C3orf49: variants seen among roughly 807,000 people sequenced by gnomAD.
C3orf49 encodes the protein putative uncharacterized protein C3orf49.
Under a neutral mutation model 13.3 loss-of-function variants are expected in C3orf49, and 27 were observed. That is an observed-to-expected ratio of 2.02 (90% confidence interval 1.49 to 2.79). The LOEUF (loss-of-function observed/expected upper bound fraction) is 2.79. Ranked by LOEUF, C3orf49 falls within the 30% of genes most tolerant of loss-of-function variation. The pLI, the probability that C3orf49 is intolerant of heterozygous loss-of-function variation, is 0.00. For missense variants in C3orf49, 242 were observed against 134.2 expected (o/e 1.80, Z -3.97); for synonymous variants, 87 against 47.6 (o/e 1.83, Z -3.40).
At chr3:63,839,164 T>G (rs1701700905) in intron 5 of C3orf49, among the ~76,000 whole-genome samples, 1 of 152,088 alleles carries the variant, frequency 6.6e-6, no homozygotes, top group African/African-American at 2.4e-5. Context: ...CACTCCAGCC[T>G]GAACAACAGA....
the C3orf49 span, among the ~76,000 whole-genome samples, chr3:63,808,457 C>T: frequency 6.6e-6 from 1 of 152,286 alleles, no homozygotes; most frequent in East Asian, 1.9e-4. Context: ...ACTGTGCTGG[C>T]TTACTTTGTA....
intron 1 of C3orf49, among the ~76,000 whole-genome samples, chr3:63,822,183 G>C (rs1701405401): frequency 6.6e-6 from 1 of 152,114 alleles, no homozygotes; most frequent in African/African-American, 2.4e-5. Context: ...CACCGTGTTA[G>C]CCAGGATGGT....
chr3:63,788,564 G>C, the C3orf49 span, among the ~76,000 whole-genome samples: 1 of 152,100 alleles, frequency 6.6e-6, no homozygotes, highest in Non-Finnish European at 1.5e-5. Context: ...GGCAAGAGAA[G>C]AATGGTCTAA....
intron 1 of C3orf49, among the ~76,000 whole-genome samples, chr3:63,820,853 G>A (rs1440963868): frequency 6.6e-6 from 1 of 152,102 alleles, no homozygotes; most frequent in East Asian, 1.9e-4. Context: ...GCACCCCCTA[G>A]AAGTCATATA....
At chr3:63,783,969 T>A in the C3orf49 span, among the ~76,000 whole-genome samples, 1 of 151,972 alleles carries the variant, frequency 6.6e-6, no homozygotes, top group East Asian at 1.9e-4. Flanking sequence ...AAGGAGAGAA[T>A]GGAGAGAATT....
At chr3:63,806,333 G>A in the C3orf49 span, among the ~76,000 whole-genome samples, 1 of 152,188 alleles carries the variant, frequency 6.6e-6, no homozygotes, top group Non-Finnish European at 1.5e-5. Flanking sequence ...ACCCCACTCT[G>A]GGTGTTTCCT....
the C3orf49 span, among the ~76,000 whole-genome samples, chr3:63,791,537 A>G: frequency 6.6e-5 from 10 of 152,178 alleles, no homozygotes; most frequent in Non-Finnish European, 1.3e-4. Context: ...TGCCTCTGGT[A>G]CCATCAGAAT....
At chr3:63,785,194 C>T in the C3orf49 span, among the ~76,000 whole-genome samples, 1 of 150,590 alleles carries the variant, frequency 6.6e-6, no homozygotes, top group Non-Finnish European at 1.5e-5. Flanking sequence ...GCCTCAGCCT[C>T]CCGAGTAGCT....
intron 1 of C3orf49, among the ~76,000 whole-genome samples, chr3:63,821,566 G>A (rs977127265): frequency 6.6e-6 from 1 of 151,918 alleles, no homozygotes; most frequent in Non-Finnish European, 1.5e-5. Context: ...TTCAATCAGT[G>A]AATAGTTAAA....
the C3orf49 span, among the ~76,000 whole-genome samples, chr3:63,812,110 T>A: frequency 6.6e-6 from 1 of 152,058 alleles, no homozygotes; most frequent in Non-Finnish European, 1.5e-5. Context: ...GGGACTCTTA[T>A]TTTTTTATGA....
At chr3:63,828,583 A>G (rs915501905) in intron 3 of C3orf49, among the ~76,000 whole-genome samples, 2 of 152,184 alleles carry the variant, frequency 1.3e-5, no homozygotes, top group African/African-American at 4.8e-5. Context: ...TACAGATGTA[A>G]GCCACCGTTA....
chr3:63,826,338 G>C (rs1039281937), intron 2 of C3orf49, among the ~76,000 whole-genome samples: 5 of 152,140 alleles, frequency 3.3e-5, no homozygotes, highest in Admixed American at 1.3e-4. Context: ...TTTCAGGCAA[G>C]GAATGACATT....
intron 5 of C3orf49, among the ~76,000 whole-genome samples, chr3:63,836,778 T>G (rs1451789503): frequency 6.6e-6 from 1 of 151,982 alleles, no homozygotes; most frequent in Non-Finnish European, 1.5e-5. Context: ...AAATTACACT[T>G]CTCACTCATT....
the C3orf49 span, among the ~76,000 whole-genome samples, chr3:63,810,897 A>G: frequency 6.6e-6 from 1 of 152,186 alleles, no homozygotes; most frequent in South Asian, 2.1e-4. Flanking sequence ...CCCAGGCTGG[A>G]GTGCAGTGGT....
chr3:63,808,961 GT>G, the C3orf49 span, among the ~76,000 whole-genome samples: 5 of 151,818 alleles, frequency 3.3e-5, no homozygotes, highest in Admixed American at 2.0e-4. Flanking sequence ...GAAAATTAAT[GT>G]GCTTTTTTTT....
the C3orf49 span, among the ~76,000 whole-genome samples, chr3:63,795,073 G>T: frequency 2.0e-5 from 3 of 152,090 alleles, no homozygotes; most frequent in Non-Finnish European, 4.4e-5. Context: ...CAATCAGACT[G>T]ATTGCGGGCA....
chr3:63,838,105 A>C, intron 5 of C3orf49: 1 of 1,501,770 alleles, frequency 6.7e-7, no homozygotes, highest in Non-Finnish European at 9.0e-7. Context: ...AACAAAATCA[A>C]TAATCCATTT....
rs573904912 is a variant in C3orf49, at chr3:63,823,885, C to T, written c.445+316C>T. Among the ~76,000 whole-genome samples, 5 of 152,016 alleles carry T rather than the reference C, an allele frequency of 3.3e-5. No individual in the cohort carries two copies. The East Asian group carries it at 7.8e-4, about 24-fold the overall frequency. The stretch of plus-strand genomic sequence containing the variant: ...GCATGATCTCGGCTCACTGCAACCT[C>T]TGCCTTCCGGGTTCAAGCAATTTTC... On this transcript the variant is annotated intron_variant, in intron 2 of 6. Coordinates refer to ENST00000295896, the MANE Select transcript of C3orf49 (RefSeq NM_001355236.2).
the C3orf49 span, among the ~76,000 whole-genome samples, chr3:63,802,704 A>G: frequency 2.0e-5 from 3 of 152,306 alleles, no homozygotes; most frequent in African/African-American, 2.4e-5. Context: ...CTTTCCATAC[A>G]TTATCTTTTA....
Sources: gnomAD v4.1 joint callset for allele counts (sites outside exome capture counted in the v4.1 genomes callset) on GRCh38, gnomAD v4.1.1 for gene constraint, MANE v1.5 for transcripts, NCBI Gene and HGNC (gene_info 2026-07-23, HGNC 2026-07-21) for gene names.